Variants in ODAD3 observed in about 807,000 individuals in gnomAD.
ODAD3 encodes the protein outer dynein arm-docking complex subunit 3.
In ODAD3, 57 loss-of-function variants were observed where a neutral mutation model predicts 70.9. The observed-to-expected ratio is 0.80, with a 90% CI of 0.65 to 1.00. ODAD3 has a LOEUF of 1.00. Ranked by LOEUF, ODAD3 falls within the 50% of genes least tolerant of loss-of-function variation. The pLI is 0.00. For synonymous variants in ODAD3, 327 were observed against 315.9 expected, an observed-to-expected ratio of 1.04 and a Z score of -0.37; for missense variants, 797 against 763.9, an observed-to-expected ratio of 1.04 and a Z score of -0.51.
chr19:11,421,605 C>T (rs1365736527), intron 11 of ODAD3, 72 bp downstream of exon 11: 2 of 1,532,066 alleles, frequency 1.3e-6, no homozygotes, highest in Non-Finnish European at 1.8e-6. Flanking sequence ...CGAAGTTGCC[C>T]CCGGTTCCCT....
rs777589323 is a variant in ODAD3, at chr19:11,422,488, G to A, written c.1417C>T (p.Leu473=). The part of the protein sequence containing the change: ...KDSLEHLASK[L]IHITVEDGRF... Reference sequence around the variant, plus strand: ...GGGCCTACCACAGTGATGTGGATCAGCTTGCTGGCCAGGTGCTCCAGGCTG... The same window carrying A: ...GGGCCTACCACAGTGATGTGGATCAACTTGCTGGCCAGGTGCTCCAGGCTG... Residue 473 remains leucine, a synonymous_variant, in exon 10 of 13, where the codon CTG becomes TTG. Transcript: ENST00000356392. This position sits in a 1 kb window ranked among gnomAD's most constrained non-coding sequence, Gnocchi z 4.6. 1.3e-6 allele frequency: 2 copies of A among 1,593,710 alleles called. No individual in the cohort carries two copies.
rs1203507576 is a variant in ODAD3 at position 11,420,941 on chromosome 19, T to A, written c.1682A>T (p.Glu561Val). 2 of 1,564,558 alleles carry A rather than the reference T, an allele frequency of 1.3e-6. No homozygotes were observed. The highest frequency in any genetic ancestry group is 2.2e-5 in the East Asian group (1 of 44,528). The change falls in exon 13 of 13, where the codon GAG (glutamate) becomes GTG (valine). Residue 561 changes from glutamate to valine, a missense_variant. Physicochemically the swap from Glu to Val is moderately radical, Grantham distance 121. Coordinates refer to ENST00000356392, the MANE Select transcript of ODAD3 (RefSeq NM_145045.5). ...TACCTCGTTGTCCTCCTCCTCACTCTCTTCGTCTAAGGGGGGTGGGGGGAT... is the reference window on the plus strand; with the variant it reads ...TACCTCGTTGTCCTCCTCCTCACTCACTTCGTCTAAGGGGGGTGGGGGGAT... ...ATSKDKFFDE[E>V]SEEEDNEVVT...
chr19:11,425,494 T>C (rs187127696), intron 7 of ODAD3, among the ~76,000 whole-genome samples: 1 of 143,168 alleles, frequency 7.0e-6, no homozygotes, highest in East Asian at 2.0e-4. Context: ...TATATATGTA[T>C]ATATGTATAT....
At chr19:11,425,622 T>TACGTATATATGCATAC (rs1969346280) in intron 7 of ODAD3, among the ~76,000 whole-genome samples, 23 of 134,504 alleles carry the variant, frequency 1.7e-4, no homozygotes, top group African/African-American at 8.1e-4. Context: ...TATATGCATA[T>TACGTATATATGCATAC]ATGCATATAT....
chr19:11,435,344 T>G (rs1969654478), upstream of ODAD3: 1 of 547,664 alleles, frequency 1.8e-6, no homozygotes, highest in African/African-American at 1.9e-5. Context: ...GCTCATTCCG[T>G]TTCCCTACCT....
Position 11,435,118 on chromosome 19 carries a change from A to G in ODAD3, c.-102T>C. The G allele has an allele frequency of 6.7e-7, 1 of 1,484,826 alleles. No individual in the cohort carries two copies. The highest frequency in any genetic ancestry group is 1.4e-5 in the South Asian group (1 of 73,674). 92.0% of individuals were successfully genotyped at this position (1,484,826 alleles called of 1,614,324 possible). A position where few individuals can be genotyped will look rare whatever the true frequency, so the allele number is the denominator to read the frequency against. On this transcript the variant is annotated 5_prime_UTR_variant, in exon 1 of 13. Coordinates refer to ENST00000356392, the MANE Select transcript of ODAD3 (RefSeq NM_145045.5). ...GCTCGGATTCCTAGGGCTCTGAAAA[A>G]TGCACTTTCCGACCGCTAGGTGGTT...
intron 3 of ODAD3, chr19:11,430,478 T>C (rs1969479220): frequency 1.7e-6 from 1 of 574,634 alleles, no homozygotes; most frequent in African/African-American, 1.9e-5. Context: ...TATTAGGATA[T>C]GAGCTGTTTT....
At position 11,434,818 on chromosome 19, in the gene ODAD3, C is replaced by T. The variant is rs1444450984; in HGVS notation, c.199G>A (p.Val67Met). The part of the protein sequence containing the change: ...SFHRGAGKPS[V>M]HSQVAELHKK... Reference sequence around the variant, plus strand: ...TGTAACTCAGCCACCTGAGAGTGCACAGAGGGCTTCCCTGCACCTCTGTGG... The same window carrying T: ...TGTAACTCAGCCACCTGAGAGTGCATAGAGGGCTTCCCTGCACCTCTGTGG... The change falls in exon 1 of 13, where the codon GTG (valine) becomes ATG (methionine). Residue 67 changes from valine to methionine, a missense_variant. Coordinates refer to ENST00000356392, the MANE Select transcript of ODAD3 (RefSeq NM_145045.5). The T allele has an allele frequency of 6.2e-7, 1 of 1,614,014 alleles. No individual in the cohort carries two copies. The highest frequency in any genetic ancestry group is 1.3e-5 in the African/African-American group (1 of 74,932).
chr19:11,434,095 C>A (rs1467238331), intron 1 of ODAD3, among the ~76,000 whole-genome samples: 1 of 152,028 alleles, frequency 6.6e-6, no homozygotes, highest in Non-Finnish European at 1.5e-5. Flanking sequence ...CACCTATAGT[C>A]CCAGCTAGTC....
upstream of ODAD3, chr19:11,435,262 G>A: frequency 7.7e-7 from 1 of 1,302,924 alleles, no homozygotes; most frequent in Non-Finnish European, 1.0e-6. Context: ...GCTGCATAGA[G>A]GGGCGGTCCC....
At chr19:11,429,158 C>T (rs1194027949) in intron 3 of ODAD3, among the ~76,000 whole-genome samples, 1 of 152,002 alleles carries the variant, frequency 6.6e-6, no homozygotes, top group Non-Finnish European at 1.5e-5. Context: ...GGATTACAGG[C>T]GTGAGCCACC....
chr19:11,426,405 C>A, intron 6 of ODAD3, 41 bp downstream of exon 6: 3 of 1,612,640 alleles, frequency 1.9e-6, no homozygotes, highest in Non-Finnish European at 2.5e-6. Flanking sequence ...TGGGAGACCG[C>A]GGCAGCTGGG....
chr19:11,423,777 A>T, intron 8 of ODAD3, 100 bp downstream of exon 8: 1 of 1,206,242 alleles, frequency 8.3e-7, no homozygotes, highest in Non-Finnish European at 1.1e-6. Flanking sequence ...CCTGGCAGAG[A>T]GGGGAGACAG....
chr19:11,427,057 A>T lies in ODAD3; in HGVS notation c.445-17T>A. The T allele has an allele frequency of 6.4e-7, 1 of 1,556,410 alleles. No homozygotes were observed. The highest frequency in any genetic ancestry group is 8.7e-7 in the Non-Finnish European group (1 of 1,155,762). On this transcript the variant is annotated splice_polypyrimidine_tract_variant and intron_variant, in intron 3 of 12. Coordinates refer to ENST00000356392, the MANE Select transcript of ODAD3 (RefSeq NM_145045.5). Reference sequence around the variant, plus strand: ...CTCCAGGGCCTGCCGCAAGGAGGGGAGCGAAAGCAGGAGCCTCAACACCCT... The same window carrying T: ...CTCCAGGGCCTGCCGCAAGGAGGGGTGCGAAAGCAGGAGCCTCAACACCCT...
In ODAD3 at chr19:11,422,324, CT is replaced by C. The variant is rs1242393996; in HGVS notation, c.1434+146del. 4 of 1,008,456 alleles carry C rather than the reference CT, an allele frequency of 4.0e-6. No homozygotes were observed. In the East Asian group the frequency reaches 1.1e-4, roughly 28 times the overall value. 62.5% of individuals were successfully genotyped at this position (1,008,456 alleles called of 1,614,324 possible). On this transcript the variant is annotated intron_variant, in intron 10 of 12. Transcript: ENST00000356392. This position sits in a 1 kb window ranked among gnomAD's most constrained non-coding sequence, Gnocchi z 4.6. Reference sequence around the variant, plus strand: ...TCTGAGGAATGGGGTGGGGCTTCCCCTGTGGGCGGGGCCTCTGACGTCCGGG... The same window carrying C: ...TCTGAGGAATGGGGTGGGGCTTCCCCGTGGGCGGGGCCTCTGACGTCCGGG...
chr19:11,425,415 A>T (rs983304043), intron 7 of ODAD3, among the ~76,000 whole-genome samples: 1 of 143,924 alleles, frequency 6.9e-6, no homozygotes, highest in East Asian at 2.1e-4. Flanking sequence ...ATATACATAT[A>T]TGTGTATATA....
At chr19:11,433,753 C>A (rs1969556510) in intron 1 of ODAD3, among the ~76,000 whole-genome samples, 1 of 152,054 alleles carries the variant, frequency 6.6e-6, no homozygotes, top group Non-Finnish European at 1.5e-5. Flanking sequence ...ATAGTGAGAC[C>A]CCATCTCTAC....
chr19:11,435,629 C>T (rs1969675373), upstream of ODAD3: 3 of 1,222,192 alleles, frequency 2.5e-6, no homozygotes, highest in South Asian at 2.5e-5. Flanking sequence ...CAGAAATTTC[C>T]GCTTTCTTTC....
chr19:11,432,755 C>T (rs1224739083), intron 1 of ODAD3, among the ~76,000 whole-genome samples: 3 of 152,054 alleles, frequency 2.0e-5, no homozygotes, highest in Non-Finnish European at 4.4e-5. Flanking sequence ...GAGGCTTGGG[C>T]TGATTAAACT....
Sources: allele counts gnomAD v4.1 joint callset (sites outside exome capture counted in the v4.1 genomes callset), GRCh38; gene constraint gnomAD v4.1.1; non-coding constraint Gnocchi (gnomAD v3.1); transcripts MANE v1.5; gene names NCBI Gene and HGNC (gene_info 2026-07-23, HGNC 2026-07-21).